ZNF239: variants seen among roughly 807,000 people sequenced by gnomAD.
The protein encoded by ZNF239 is zinc finger protein 239.
A neutral mutation model predicts 27.5 loss-of-function variants in ZNF239; 16 were observed. The ratio of observed to expected loss-of-function variants is 0.58; its 90% CI spans 0.39 to 0.88. The LOEUF (loss-of-function observed/expected upper bound fraction) is 0.88, where lower values mean the gene tolerates loss of function less well. Among genes scored for constraint, ZNF239 ranks in the 40% least tolerant of loss-of-function variants. The pLI is 0.00. For synonymous variants in ZNF239, 199 were observed against 192.6 expected, an observed-to-expected ratio of 1.03 and a Z score of -0.27; for missense variants, 527 against 551.9, an observed-to-expected ratio of 0.95 and a Z score of 0.45.
chr10:43,556,449 A>AACATGTAG lies in ZNF239; in HGVS notation c.*246_*253dup. ...TTCTTGCCGTTAAAATGCTGGGTAG[A>AACATGTAG]ACATGTAGTTGAATTGTAAAGTACA... is the stretch of plus-strand genomic sequence containing the variant. On this transcript the variant is annotated 3_prime_UTR_variant, in exon 4 of 4. Transcript: ENST00000374446. 2.3e-6 allele frequency: 1 copy of AACATGTAG among 442,902 alleles called. No homozygotes were observed. Among genetic ancestry groups the AACATGTAG allele is most frequent in the South Asian group, 5.2e-5 (1 of 19,324 alleles). 27.4% of individuals were successfully genotyped at this position (442,902 alleles called of 1,614,324 possible).
intron 3 of ZNF239, among the ~76,000 whole-genome samples, chr10:43,560,789 C>T (rs1837188393): frequency 6.6e-6 from 1 of 151,810 alleles, no homozygotes; most frequent in Admixed American, 6.6e-5. Context: ...GTTGAGGACA[C>T]ACTCCAATAT....
chr10:43,564,865 A>G (rs1252755851), intron 3 of ZNF239, among the ~76,000 whole-genome samples: 1 of 151,956 alleles, frequency 6.6e-6, no homozygotes. Flanking sequence ...CTATTTCTAA[A>G]CTAGGAGACT....
At chr10:43,567,866 G>C in intron 3 of ZNF239, 33 bp downstream of exon 3, 4 of 971,444 alleles carry the variant, frequency 4.1e-6, no homozygotes, top group Non-Finnish European at 4.9e-6. Context: ...GAAGCCAATG[G>C]GCAGGTGTCC....
chr10:43,573,351 T>G (rs1838151693), intron 2 of ZNF239, among the ~76,000 whole-genome samples: 1 of 152,118 alleles, frequency 6.6e-6, no homozygotes, highest in Non-Finnish European at 1.5e-5. Context: ...TCAATGTGAG[T>G]GAAATGTCTG....
At position 43,558,161 on chromosome 10, in the gene ZNF239, A is replaced by G. The variant is rs1230982347; in HGVS notation, c.-82T>C. 5.4e-6 allele frequency: 8 copies of G among 1,487,328 alleles called. No individual in the cohort carries two copies. The highest frequency in any genetic ancestry group is 7.2e-6 in the Non-Finnish European group (8 of 1,118,090). 92.1% of individuals were successfully genotyped at this position (1,487,328 alleles called of 1,614,324 possible). On this transcript the variant is annotated 5_prime_UTR_variant, in exon 4 of 4. An upstream start codon of the reference 5' UTR is lost. Transcript: ENST00000374446. Reference sequence around the variant, plus strand: ...GCTGAAGATTCTCCACAGAATTTTCATTCAAGTCTCCTAGGGAACAAAGAC... The same window carrying G: ...GCTGAAGATTCTCCACAGAATTTTCGTTCAAGTCTCCTAGGGAACAAAGAC...
At chr10:43,570,638 C>A (rs1259274414) in intron 2 of ZNF239, 1 of 982,516 alleles carries the variant, frequency 1.0e-6, no homozygotes, top group Non-Finnish European at 1.2e-6. Flanking sequence ...ATATTCAAAC[C>A]ATTTCAGATC....
intron 3 of ZNF239, among the ~76,000 whole-genome samples, chr10:43,564,904 G>A (rs1480616756): frequency 6.6e-6 from 1 of 152,034 alleles, no homozygotes; most frequent in Non-Finnish European, 1.5e-5. Context: ...ACAAAAGTGG[G>A]ACTATAAGAA....
At chr10:43,560,319 C>T (rs141500191) in intron 3 of ZNF239, among the ~76,000 whole-genome samples, 123 of 152,296 alleles carry the variant, frequency 8.1e-4, no homozygotes, top group Non-Finnish European at 1.4e-3. Flanking sequence ...TAATTGACAA[C>T]ATAAGTGCCC....
intron 3 of ZNF239, chr10:43,564,170 G>C: frequency 2.7e-6 from 1 of 373,276 alleles, no homozygotes; most frequent in South Asian, 1.1e-4. Context: ...TGATCCCTTA[G>C]CTCCCAGTTT....
chr10:43,567,298 G>A (rs1837731846), intron 3 of ZNF239, among the ~76,000 whole-genome samples: 1 of 151,940 alleles, frequency 6.6e-6, no homozygotes, highest in Admixed American at 6.6e-5. Flanking sequence ...GGCAGGGGGA[G>A]GACATTCAAT....
Position 43,556,662 on chromosome 10 carries a change from A to T in ZNF239, c.*41T>A. 1 of 1,573,492 alleles carries T rather than the reference A, an allele frequency of 6.4e-7. No individual in the cohort carries two copies. The highest frequency in any genetic ancestry group is 1.2e-5 in the South Asian group (1 of 85,470). The stretch of plus-strand genomic sequence containing the variant: ...TGATACTAAATATTTAACAGTTTTT[A>T]CAGTATGAGCGCTGTGAAGACCTGA... On this transcript the variant is annotated 3_prime_UTR_variant, in exon 4 of 4. Transcript: ENST00000374446.
In ZNF239 at chr10:43,557,176, G is replaced by A. The variant is rs1162719915; in HGVS notation, c.904C>T (p.Gln302Ter). The part of the protein sequence containing the change: ...KCDKCGKGFS[Q>*]SSKLHIHQRV... Reference sequence around the variant, plus strand: ...TGGTGGATGTGCAGTTTGGAGCTCTGACTAAAGCCCTTCCCACACTTGTCA... The same window carrying A: ...TGGTGGATGTGCAGTTTGGAGCTCTAACTAAAGCCCTTCCCACACTTGTCA... Residue 302 changes from glutamine (Q) to a stop codon, truncating the protein, a stop_gained, in exon 4 of 4, where the codon CAG becomes TAG. Coordinates refer to ENST00000374446, the MANE Select transcript of ZNF239 (RefSeq NM_001099282.2). LOFTEE classifies it high-confidence loss of function. 6.2e-7 allele frequency: 1 copy of A among 1,614,096 alleles called. No individual in the cohort carries two copies. The highest frequency in any genetic ancestry group is 8.5e-7 in the Non-Finnish European group (1 of 1,180,012).
At chr10:43,573,960 G>C (rs1349487996) in intron 1 of ZNF239, among the ~76,000 whole-genome samples, 1 of 152,148 alleles carries the variant, frequency 6.6e-6, no homozygotes, top group African/African-American at 2.4e-5. Flanking sequence ...TGACTTTCCC[G>C]ATCTCTGTCC....
At chr10:43,565,782 T>C (rs1739167361) in intron 3 of ZNF239, among the ~76,000 whole-genome samples, 1 of 110,184 alleles carries the variant, frequency 9.1e-6, no homozygotes, top group Non-Finnish European at 1.7e-5. Context: ...GCCACTGCAC[T>C]CCAGCCTGGG....
chr10:43,566,653 T>C (rs2132282909), intron 3 of ZNF239, among the ~76,000 whole-genome samples: 1 of 152,356 alleles, frequency 6.6e-6, no homozygotes, highest in Non-Finnish European at 1.5e-5. Flanking sequence ...TGGTTCAACC[T>C]AGTAGGTATA....
intron 3 of ZNF239, among the ~76,000 whole-genome samples, chr10:43,559,030 C>CA (rs1203254013): frequency 6.6e-6 from 1 of 151,454 alleles, no homozygotes; most frequent in Non-Finnish European, 1.5e-5. Flanking sequence ...ACAGGAAAAA[C>CA]AAAAAACAAA....
intron 2 of ZNF239, among the ~76,000 whole-genome samples, chr10:43,569,791 C>T (rs1161294071): frequency 1.3e-5 from 2 of 152,132 alleles, no homozygotes; most frequent in East Asian, 3.9e-4. Flanking sequence ...AGAGAGGCTG[C>T]CTCATTTGTT....
chr10:43,566,072 A>G (rs912898234), intron 3 of ZNF239, among the ~76,000 whole-genome samples: 7 of 152,186 alleles, frequency 4.6e-5, no homozygotes, highest in African/African-American at 1.7e-4. Flanking sequence ...CAATTTTGGT[A>G]CAAGAACAGA....
rs566440721 is a variant in ZNF239, at chr10:43,557,748, C to T, written c.332G>A (p.Ser111Asn). ...STERKVIKGE[S>N]CSENLQVKLV... ...TTTAACTTGAAGGTTCTCTGAACAA[C>T]TTTCCCCCTTTATCACTTTTCTCTC... is the stretch of plus-strand genomic sequence containing the variant. The change falls in exon 4 of 4, where the codon AGT becomes AAT. Residue 111 changes from serine to asparagine, a missense_variant. Ser to Asn is a conservative substitution (Grantham distance 46, BLOSUM62 1). Coordinates refer to ENST00000374446, the MANE Select transcript of ZNF239 (RefSeq NM_001099282.2). The T allele has an allele frequency of 1.9e-6, 3 of 1,614,112 alleles. No individual in the cohort carries two copies. In the East Asian group the frequency reaches 6.7e-5, roughly 36 times the overall value.
Sources: allele counts gnomAD v4.1 joint callset (sites outside exome capture counted in the v4.1 genomes callset), GRCh38; gene constraint gnomAD v4.1.1; transcripts MANE v1.5; gene names NCBI Gene and HGNC (gene_info 2026-07-23, HGNC 2026-07-21).